PTBP3: variants seen among roughly 807,000 people sequenced by gnomAD.
The protein encoded by PTBP3 is polypyrimidine tract binding protein 3.
Under a neutral mutation model 58.7 loss-of-function variants are expected in PTBP3, and 20 were observed. That is an observed-to-expected ratio of 0.34 (90% confidence interval 0.24 to 0.50). The LOEUF is 0.50. PTBP3 is among the 20% of genes least tolerant of loss of function. The pLI is 0.98. For synonymous variants in PTBP3, 185 were observed against 219.8 expected (o/e 0.84, Z 1.40); for missense variants, 509 against 637.2 (o/e 0.80, Z 2.17).
chr9:112,255,019 C>T (rs1216160734), intron 5 of PTBP3, among the ~76,000 whole-genome samples: 1 of 152,134 alleles, frequency 6.6e-6, no homozygotes, highest in Non-Finnish European at 1.5e-5. Flanking sequence ...ATACATACAA[C>T]TGAATATTAC....
chr9:112,295,463 TA>T (rs1163849775), intron 2 of PTBP3, among the ~76,000 whole-genome samples: 2 of 151,274 alleles, frequency 1.3e-5, no homozygotes, highest in Non-Finnish European at 2.9e-5. Flanking sequence ...AGAGATGCCC[TA>T]AAAGTTTCAT....
At chr9:112,264,919 T>C (rs952313454) in intron 4 of PTBP3, among the ~76,000 whole-genome samples, 1 of 152,136 alleles carries the variant, frequency 6.6e-6, no homozygotes, top group African/African-American at 2.4e-5. Flanking sequence ...ATCACACTAA[T>C]GAGAAAACTG....
At chr9:112,336,596 A>G (rs966017362), upstream of PTBP3, among the ~76,000 whole-genome samples, 4 of 152,138 alleles carry the variant, frequency 2.6e-5, no homozygotes, top group African/African-American at 9.6e-5. Flanking sequence ...AGCCTGGGCA[A>G]CATGGTGAAA....
At chr9:112,272,019 G>A (rs1827406217) in intron 3 of PTBP3, among the ~76,000 whole-genome samples, 1 of 151,986 alleles carries the variant, frequency 6.6e-6, no homozygotes, top group African/African-American at 2.4e-5. Context: ...ACAGGAATAA[G>A]ATACTTACAA....
chr9:112,349,200 G>A, the PTBP3 span, among the ~76,000 whole-genome samples: 1 of 152,126 alleles, frequency 6.6e-6, no homozygotes, highest in Non-Finnish European at 1.5e-5. Flanking sequence ...AAAAACTCTT[G>A]AACAATCAGA....
chr9:112,284,086 G>T (rs1389437004), intron 2 of PTBP3, among the ~76,000 whole-genome samples: 1 of 151,486 alleles, frequency 6.6e-6, no homozygotes, highest in Non-Finnish European at 1.5e-5. Context: ...GCTCTACTAG[G>T]GCAGTGCAGA....
At chr9:112,379,255 T>A in the PTBP3 span, among the ~76,000 whole-genome samples, 1 of 152,326 alleles carries the variant, frequency 6.6e-6, no homozygotes, top group African/African-American at 2.4e-5. Context: ...TTAACTAGTC[T>A]TCATATAATA....
intron 2 of PTBP3, among the ~76,000 whole-genome samples, chr9:112,285,977 G>A (rs749992163): frequency 6.6e-6 from 1 of 152,130 alleles, no homozygotes; most frequent in Non-Finnish European, 1.5e-5. Flanking sequence ...TACGTGTTTT[G>A]AAACTAGGTA....
chr9:112,369,084 T>C, the PTBP3 span, among the ~76,000 whole-genome samples: 8 of 152,188 alleles, frequency 5.3e-5, no homozygotes, highest in African/African-American at 1.4e-4. Context: ...ACAGGATGTA[T>C]AGAAACACCT....
chr9:112,253,740 G>A (rs1248486555), intron 5 of PTBP3, among the ~76,000 whole-genome samples: 6 of 151,962 alleles, frequency 3.9e-5, no homozygotes, highest in Admixed American at 1.3e-4. Context: ...TGTTTAAAAG[G>A]GGCAGTTTCC....
upstream of PTBP3, among the ~76,000 whole-genome samples, chr9:112,338,003 T>C (rs1216909395): frequency 6.6e-6 from 1 of 152,200 alleles, no homozygotes; most frequent in Admixed American, 6.5e-5. Context: ...ATAATTAACA[T>C]TGCATTTCCC....
At chr9:112,254,672 T>C (rs1393377942) in intron 5 of PTBP3, among the ~76,000 whole-genome samples, 1 of 152,124 alleles carries the variant, frequency 6.6e-6, no homozygotes. Flanking sequence ...CAAAACTACA[T>C]ATCACCTAAC....
At chr9:112,369,276 C>T in the PTBP3 span, among the ~76,000 whole-genome samples, 2 of 152,202 alleles carry the variant, frequency 1.3e-5, no homozygotes, top group African/African-American at 4.8e-5. Flanking sequence ...GACCCACTGA[C>T]AGCTTGCACC....
At chr9:112,276,037 T>A in intron 2 of PTBP3, 24 bp from the exon 3 acceptor site, 1 of 1,585,788 alleles carries the variant, frequency 6.3e-7, no homozygotes, top group African/African-American at 1.3e-5. Flanking sequence ...GATTCTTTTT[T>A]AAATTACTGC....
chr9:112,251,591 C>T (rs895720759), intron 6 of PTBP3, among the ~76,000 whole-genome samples: 2 of 152,070 alleles, frequency 1.3e-5, no homozygotes, highest in Non-Finnish European at 2.9e-5. Context: ...TTACCTACCA[C>T]TTATTTTTTT....
chr9:112,270,816 T>A (rs1827352226), intron 3 of PTBP3, among the ~76,000 whole-genome samples: 1 of 152,108 alleles, frequency 6.6e-6, no homozygotes, highest in Non-Finnish European at 1.5e-5. Flanking sequence ...GGTTCCTTTT[T>A]TTGTATTTGT....
intron 2 of PTBP3, among the ~76,000 whole-genome samples, chr9:112,287,136 T>C (rs1828159446): frequency 6.6e-6 from 1 of 152,150 alleles, no homozygotes; most frequent in South Asian, 2.1e-4. Context: ...GTTGTGTTTA[T>C]CCTGCTTAAG....
At chr9:112,264,282 G>C (rs962362750) in intron 4 of PTBP3, among the ~76,000 whole-genome samples, 1 of 152,116 alleles carries the variant, frequency 6.6e-6, no homozygotes, top group Non-Finnish European at 1.5e-5. Flanking sequence ...TTGTTTTTTA[G>C]AGAAAATCCT....
intron 7 of PTBP3, among the ~76,000 whole-genome samples, chr9:112,243,072 T>C (rs1298225205): frequency 6.6e-6 from 1 of 150,702 alleles, no homozygotes; most frequent in East Asian, 1.9e-4. Context: ...TATATATCTA[T>C]CCTTCTGACA....
Sources: gnomAD v4.1 joint callset for allele counts (sites outside exome capture counted in the v4.1 genomes callset) on GRCh38, gnomAD v4.1.1 for gene constraint, MANE v1.5 for transcripts, NCBI Gene and HGNC (gene_info 2026-07-23, HGNC 2026-07-21) for gene names.